Variants in CSMD1 observed in about 807,000 individuals in gnomAD.
The protein encoded by CSMD1 is CUB and sushi domain-containing protein 1.
In CSMD1, 213 loss-of-function variants were observed where a neutral mutation model predicts 417.5. The observed-to-expected ratio is 0.51, with a 90% CI of 0.46 to 0.57. The LOEUF (loss-of-function observed/expected upper bound fraction) is 0.57, where lower values mean the gene tolerates loss of function less well. Among genes scored for constraint, CSMD1 ranks in the 20% least tolerant of loss-of-function variants. The pLI is 0.00. For missense variants in CSMD1, 6,923 were observed against 4,529.7 expected (o/e 1.53, Z -15.17); for synonymous variants, 2,862 against 1,736.8 (o/e 1.65, Z -16.11).
chr8:3,984,768 C>CGTGTGT (rs370317456), intron 5 of CSMD1, among the ~76,000 whole-genome samples: 1 of 78,296 alleles, frequency 1.3e-5, no homozygotes, highest in African/African-American at 4.6e-5. Flanking sequence ...TGTATTTGTG[C>CGTGTGT]GTGTGTGTGT....
intron 1 of CSMD1, among the ~76,000 whole-genome samples, chr8:4,798,197 G>A (rs548847731): frequency 8.9e-4 from 135 of 152,176 alleles, no homozygotes; most frequent in African/African-American, 3.0e-3. Context: ...GGTGTGTGAT[G>A]TTCCCCTTCT....
intron 3 of CSMD1, among the ~76,000 whole-genome samples, chr8:4,366,068 A>G (rs1050270185): frequency 2.6e-5 from 4 of 152,068 alleles, no homozygotes; most frequent in Non-Finnish European, 4.4e-5. Context: ...CTTCCAATCC[A>G]TGAGCCTCTC....
intron 5 of CSMD1, among the ~76,000 whole-genome samples, chr8:3,851,526 G>C (rs946644565): frequency 6.6e-6 from 1 of 152,134 alleles, no homozygotes; most frequent in Admixed American, 6.5e-5. Context: ...TTGATCAGGT[G>C]GTCCCTGAAA....
intron 2 of CSMD1, among the ~76,000 whole-genome samples, chr8:4,588,197 T>C (rs2130722148): frequency 6.6e-6 from 1 of 152,136 alleles, no homozygotes; most frequent in South Asian, 2.1e-4. Flanking sequence ...GGCATATATT[T>C]AAATAGAGAA....
chr8:3,057,279 G>A (rs1421563492), intron 49 of CSMD1, among the ~76,000 whole-genome samples: 2 of 152,050 alleles, frequency 1.3e-5, no homozygotes, highest in African/African-American at 2.4e-5. Flanking sequence ...TTTGAATTGT[G>A]TAAGTTAAAT....
intron 2 of CSMD1, among the ~76,000 whole-genome samples, chr8:4,446,745 G>A (rs1399393449): frequency 1.7e-5 from 2 of 115,772 alleles, no homozygotes; most frequent in African/African-American, 3.6e-5. Context: ...GTGTGTGTGT[G>A]TGTGTGTGTC....
chr8:4,041,941 G>C (rs1042382716), intron 3 of CSMD1, among the ~76,000 whole-genome samples: 3 of 152,060 alleles, frequency 2.0e-5, no homozygotes, highest in Non-Finnish European at 2.9e-5. Flanking sequence ...GAGATAGCAA[G>C]ATAAAGTATT....
chr8:3,529,175 G>A (rs546587560), intron 10 of CSMD1, among the ~76,000 whole-genome samples: 1 of 152,230 alleles, frequency 6.6e-6, no homozygotes, highest in Non-Finnish European at 1.5e-5. Flanking sequence ...TACTGATTTA[G>A]GTCCTACTGT....
At chr8:3,990,061 C>G (rs750791913) in intron 5 of CSMD1, among the ~76,000 whole-genome samples, 4 of 152,120 alleles carry the variant, frequency 2.6e-5, no homozygotes, top group South Asian at 2.1e-4. Flanking sequence ...TTGAGAATGA[C>G]TAAAATGGAG....
At chr8:4,886,643 A>T (rs1267401628) in intron 1 of CSMD1, among the ~76,000 whole-genome samples, 1 of 152,044 alleles carries the variant, frequency 6.6e-6, no homozygotes, top group Non-Finnish European at 1.5e-5. Flanking sequence ...CATTGTGAGT[A>T]GATATTTTTA....
chr8:3,413,376 T>G (rs538758222), intron 12 of CSMD1, among the ~76,000 whole-genome samples: 1 of 152,306 alleles, frequency 6.6e-6, no homozygotes, highest in East Asian at 1.9e-4. Flanking sequence ...AAGAGAGACC[T>G]GTGGTTAGCT....
chr8:4,547,871 C>G (rs1042970536), intron 2 of CSMD1, among the ~76,000 whole-genome samples: 1 of 152,068 alleles, frequency 6.6e-6, no homozygotes, highest in Non-Finnish European at 1.5e-5. Context: ...GACGGGATAT[C>G]CCAGAAGAAA....
intron 9 of CSMD1, among the ~76,000 whole-genome samples, chr8:3,576,356 G>A (rs13269062): frequency 0.42 from 63,114 of 151,414 alleles, 13,593 homozygotes; most frequent in Middle Eastern, 0.51. Flanking sequence ...TACTGTGACT[G>A]TTCATCTGAG....
At chr8:4,350,577 C>A (rs1029711670) in intron 3 of CSMD1, among the ~76,000 whole-genome samples, 1 of 152,176 alleles carries the variant, frequency 6.6e-6, no homozygotes, top group African/African-American at 2.4e-5. Context: ...TCAATTAACA[C>A]TTCCACGCTT....
intron 8 of CSMD1, among the ~76,000 whole-genome samples, chr8:3,600,714 A>C (rs1051471602): frequency 6.6e-6 from 1 of 152,058 alleles, no homozygotes; most frequent in East Asian, 2.0e-4. Flanking sequence ...AATTTTACTG[A>C]GGGATCCAGG....
At position 4,966,282 on chromosome 8, in the gene CSMD1, G is replaced by C. The variant is rs900388664; in HGVS notation, c.85+28050C>G. ...TAATCCCAGCTACTTGGGAGGCTGA[G>C]GCAGGAGGATCACTTGAACCCAGGA... On this transcript the variant is annotated intron_variant, in intron 1 of 69. Coordinates refer to ENST00000635120, the MANE Select transcript of CSMD1 (RefSeq NM_033225.6). 2.6e-5 allele frequency among the ~76,000 whole-genome samples: 4 copies of C among 151,904 alleles called. No homozygotes were observed. The East Asian group carries it at 5.8e-4, about 22-fold the overall frequency.
At chr8:3,260,591 C>G (rs550235064) in intron 26 of CSMD1, among the ~76,000 whole-genome samples, 2 of 151,810 alleles carry the variant, frequency 1.3e-5, no homozygotes, top group Non-Finnish European at 1.5e-5. Context: ...AAACCCCCCT[C>G]GAAGAGCAGA....
chr8:4,506,563 A>G (rs1206349516), intron 2 of CSMD1, among the ~76,000 whole-genome samples: 1 of 152,122 alleles, frequency 6.6e-6, no homozygotes, highest in African/African-American at 2.4e-5. Flanking sequence ...GGGTCTCTAA[A>G]TATTACACGG....
intron 1 of CSMD1, among the ~76,000 whole-genome samples, chr8:4,796,994 G>A (rs758668486): frequency 1.3e-5 from 2 of 152,184 alleles, no homozygotes; most frequent in Non-Finnish European, 2.9e-5. Flanking sequence ...GCCACCCAAA[G>A]TGAGGTACAT....
Sources: allele counts gnomAD v4.1 joint callset (sites outside exome capture counted in the v4.1 genomes callset), GRCh38; gene constraint gnomAD v4.1.1; transcripts MANE v1.5; gene names NCBI Gene and HGNC (gene_info 2026-07-23, HGNC 2026-07-21).